LINGO2: variants seen among roughly 807,000 people sequenced by gnomAD.
The protein encoded by LINGO2 is leucine rich repeat and Ig domain containing 2, also known as leucine-rich repeat and immunoglobulin-like domain-containing nogo receptor-interacting protein 2.
Under a neutral mutation model 30.6 loss-of-function variants are expected in LINGO2, and 14 were observed. The observed-to-expected ratio is 0.46, with a 90% CI of 0.30 to 0.72. LINGO2 has a LOEUF of 0.72. LINGO2 is among the 30% of genes least tolerant of loss of function. The pLI is 0.07. For synonymous variants in LINGO2, 317 were observed against 288.5 expected (o/e 1.10, Z -1.00); for missense variants, 729 against 751.7 (o/e 0.97, Z 0.35).
the LINGO2 span, among the ~76,000 whole-genome samples, chr9:28,957,321 C>G: frequency 6.6e-6 from 1 of 152,108 alleles, no homozygotes; most frequent in Non-Finnish European, 1.5e-5. Context: ...ATACAATTCC[C>G]CATGCAATGC....
chr9:28,118,838 A>G (rs1269613400), intron 4 of LINGO2, among the ~76,000 whole-genome samples: 1 of 152,204 alleles, frequency 6.6e-6, no homozygotes, highest in Non-Finnish European at 1.5e-5. Flanking sequence ...ATCCTGCAAG[A>G]TAGAAAATGA....
At chr9:28,854,286 ATTTGAAT>A in the LINGO2 span, among the ~76,000 whole-genome samples, 1 of 152,026 alleles carries the variant, frequency 6.6e-6, no homozygotes, top group Non-Finnish European at 1.5e-5. Flanking sequence ...CATAAGCACA[ATTTGAAT>A]GCTGAAGAAG....
intron 4 of LINGO2, among the ~76,000 whole-genome samples, chr9:28,220,443 A>G (rs1820917838): frequency 6.6e-6 from 1 of 152,156 alleles, no homozygotes; most frequent in Non-Finnish European, 1.5e-5. Flanking sequence ...ACACAGTAGG[A>G]TGTCATATAA....
At chr9:28,059,360 C>A (rs762218224) in intron 4 of LINGO2, among the ~76,000 whole-genome samples, 4 of 152,050 alleles carry the variant, frequency 2.6e-5, no homozygotes, top group Admixed American at 6.6e-5. Context: ...GATGCCCCCC[C>A]ACCCCACCGG....
chr9:28,510,865 C>G (rs1820355082), intron 1 of LINGO2, among the ~76,000 whole-genome samples: 1 of 152,130 alleles, frequency 6.6e-6, no homozygotes, highest in East Asian at 1.9e-4. Context: ...AGTTGAGGAG[C>G]AAAGAGAACG....
chr9:28,708,885 C>T, the LINGO2 span, among the ~76,000 whole-genome samples: 1 of 151,898 alleles, frequency 6.6e-6, no homozygotes, highest in Admixed American at 6.6e-5. Flanking sequence ...TGACCCTAGA[C>T]CTGATCTATA....
the LINGO2 span, among the ~76,000 whole-genome samples, chr9:29,016,057 A>G: frequency 6.6e-6 from 1 of 152,268 alleles, no homozygotes; most frequent in Non-Finnish European, 1.5e-5. Context: ...CAAGGTATTC[A>G]TTTCAGTAAG....
chr9:28,845,720 T>G, the LINGO2 span, among the ~76,000 whole-genome samples: 4 of 151,746 alleles, frequency 2.6e-5, 1 homozygote, highest in African/African-American at 9.7e-5. Context: ...ATTTTGAATG[T>G]TAGAGTGTGA....
the LINGO2 span, among the ~76,000 whole-genome samples, chr9:28,849,718 C>T: frequency 6.6e-6 from 1 of 151,980 alleles, no homozygotes; most frequent in African/African-American, 2.4e-5. Flanking sequence ...CATCCCAAGA[C>T]CAACTCTAAC....
At chr9:29,129,586 T>C in the LINGO2 span, among the ~76,000 whole-genome samples, 2 of 152,092 alleles carry the variant, frequency 1.3e-5, no homozygotes, top group African/African-American at 4.8e-5. Flanking sequence ...GGATAAGAAT[T>C]CTAGTTGACA....
intron 1 of LINGO2, among the ~76,000 whole-genome samples, chr9:28,640,201 G>C (rs2135930031): frequency 6.6e-6 from 1 of 152,190 alleles, no homozygotes; most frequent in African/African-American, 2.4e-5. Context: ...CTGTTAGTCT[G>C]ATGGACTTTC....
intron 5 of LINGO2, among the ~76,000 whole-genome samples, chr9:27,969,629 T>C (rs1389388375): frequency 6.6e-6 from 1 of 152,152 alleles, no homozygotes; most frequent in Non-Finnish European, 1.5e-5. Context: ...TACAAGGACT[T>C]GCAGCAAAGA....
At chr9:29,042,117 T>C in the LINGO2 span, among the ~76,000 whole-genome samples, 1 of 151,940 alleles carries the variant, frequency 6.6e-6, no homozygotes, top group African/African-American at 2.4e-5. Flanking sequence ...TCTATCAGAA[T>C]GACTAAAATA....
chr9:28,499,865 T>A (rs1298297871), intron 1 of LINGO2, among the ~76,000 whole-genome samples: 1 of 152,146 alleles, frequency 6.6e-6, no homozygotes, highest in East Asian at 1.9e-4. Context: ...TAGATAAGTT[T>A]CTATATGTCC....
the LINGO2 span, among the ~76,000 whole-genome samples, chr9:28,887,039 T>A: frequency 4.5e-4 from 69 of 152,262 alleles, 1 homozygote; most frequent in East Asian, 0.011. Flanking sequence ...GAGCAGGGTA[T>A]GAACAAGAAA....
the LINGO2 span, among the ~76,000 whole-genome samples, chr9:28,731,928 T>C: frequency 3.9e-5 from 6 of 152,276 alleles, no homozygotes; most frequent in African/African-American, 1.4e-4. Flanking sequence ...AATATACAGA[T>C]CATTCTAGAA....
intron 1 of LINGO2, among the ~76,000 whole-genome samples, chr9:28,527,068 C>T (rs1821064836): frequency 6.6e-6 from 1 of 152,072 alleles, no homozygotes; most frequent in African/African-American, 2.4e-5. Flanking sequence ...TTTCTAGAAA[C>T]ATGTTTGTTT....
intron 3 of LINGO2, among the ~76,000 whole-genome samples, chr9:28,347,170 A>G (rs1218314711): frequency 2.0e-5 from 3 of 152,210 alleles, no homozygotes; most frequent in Non-Finnish European, 4.4e-5. Flanking sequence ...GAATAAAAAT[A>G]GAAAATTCCT....
chr9:28,054,360 G>T (rs1333126105), intron 4 of LINGO2, among the ~76,000 whole-genome samples: 1 of 152,002 alleles, frequency 6.6e-6, no homozygotes, highest in African/African-American at 2.4e-5. Flanking sequence ...CTTTTACTTA[G>T]ATGCTACAAG....
Sources: gnomAD v4.1 joint callset for allele counts (sites outside exome capture counted in the v4.1 genomes callset) on GRCh38, gnomAD v4.1.1 for gene constraint, MANE v1.5 for transcripts, NCBI Gene and HGNC (gene_info 2026-07-23, HGNC 2026-07-21) for gene names.